Variants in CACNA1C observed in about 807,000 individuals in gnomAD.
CACNA1C encodes voltage-dependent L-type calcium channel subunit alpha-1C.
CACNA1C carries 30 observed loss-of-function variants against 229.0 expected under a neutral mutation model. The observed-to-expected ratio is 0.13, with a 90% confidence interval of 0.10 to 0.18. The LOEUF is 0.18. Among genes scored for constraint, CACNA1C ranks in the 10% least tolerant of loss-of-function variants. The probability of loss-of-function intolerance (pLI) is 1.00; values close to 1 mark genes in which losing one functional copy is unlikely to be tolerated. For missense variants in CACNA1C, 1,658 were observed against 2,845.0 expected (o/e 0.58, Z 9.49); for synonymous variants, 1,114 against 1,132.5 (o/e 0.98, Z 0.33).
chr12:2,412,632 T>C (rs939185694), intron 3 of CACNA1C, among the ~76,000 whole-genome samples: 12 of 152,254 alleles, frequency 7.9e-5, no homozygotes, highest in African/African-American at 2.9e-4. Flanking sequence ...CGCTTCATAG[T>C]AAGTGCTCAG....
At chr12:2,521,232 A>C (rs936536384) in intron 9 of CACNA1C, among the ~76,000 whole-genome samples, 1 of 152,180 alleles carries the variant, frequency 6.6e-6, no homozygotes, top group Non-Finnish European at 1.5e-5. Context: ...GTAGGAACAG[A>C]GGCTGTGTGG....
chr12:2,315,545 C>T (rs1428013904), intron 3 of CACNA1C, among the ~76,000 whole-genome samples: 1 of 152,156 alleles, frequency 6.6e-6, no homozygotes, highest in Non-Finnish European at 1.5e-5. Context: ...TTAACCATCA[C>T]AGTTCTCATT....
At chr12:2,137,223 C>T (rs2093625806) in intron 3 of CACNA1C, among the ~76,000 whole-genome samples, 1 of 151,298 alleles carries the variant, frequency 6.6e-6, no homozygotes, top group South Asian at 2.1e-4. Context: ...AGCTGCATGT[C>T]CTAGCCCTGG....
In CACNA1C at chr12:2,682,608, G is replaced by A. The variant is rs1060503442; in HGVS notation, c.5503G>A (p.Glu1835Lys). The change falls in exon 43 of 47, where the codon GAG (glutamate) becomes AAG (lysine). Residue 1835 changes from glutamate (E) to lysine (K), a missense_variant. Physicochemically the swap from Glu to Lys is moderately conservative, Grantham distance 56. Coordinates refer to ENST00000399655, the MANE Select transcript of CACNA1C (RefSeq NM_000719.7). ...GGGTCAGGAGGAGACGTCTCAGGAT[G>A]AGACCTATGAAGTGAAGATGAACCA... The part of the protein sequence containing the change: ...MAGQEETSQD[E>K]TYEVKMNHDT... 54 of 1,612,656 alleles carry A rather than the reference G, an allele frequency of 3.3e-5. No homozygotes were observed. The highest frequency in any genetic ancestry group is 4.4e-5 in the Non-Finnish European group (52 of 1,179,558).
intron 3 of CACNA1C, among the ~76,000 whole-genome samples, chr12:2,182,678 G>A (rs1213095204): frequency 3.9e-5 from 6 of 152,176 alleles, no homozygotes; most frequent in African/African-American, 1.2e-4. Flanking sequence ...TGGACTGGAA[G>A]TGTGCTAGGG....
At chr12:2,642,838 GA>G (rs1478656941) in intron 30 of CACNA1C, among the ~76,000 whole-genome samples, 1 of 152,218 alleles carries the variant, frequency 6.6e-6, no homozygotes, top group African/African-American at 2.4e-5. Context: ...CTTCCCAGGG[GA>G]AGATGAAACT....
chr12:1,991,993 C>A, intron 1 of CACNA1C: 1 of 234,156 alleles, frequency 4.3e-6, no homozygotes, highest in Non-Finnish European at 9.3e-6. Context: ...AAAAAAAACC[C>A]TGACATAACT....
chr12:2,058,438 A>G (rs1314777980), intron 1 of CACNA1C, among the ~76,000 whole-genome samples: 3 of 152,228 alleles, frequency 2.0e-5, no homozygotes, highest in Non-Finnish European at 4.4e-5. Context: ...AATTAACAAA[A>G]TAATCACACT....
chr12:2,320,822 A>G lies in CACNA1C; in HGVS notation c.478-128154A>G, dbSNP rs1384661274. ...CATTCAGGCCAAGGCAGCTAGGGGT[A>G]GGAGCAGGAGACAAAAAGGATGAGG... is the stretch of plus-strand genomic sequence containing the variant. On this transcript the variant is annotated intron_variant, in intron 3 of 46. Transcript: ENST00000399655. Among the ~76,000 whole-genome samples, 6 of 152,206 alleles carry G rather than the reference A, an allele frequency of 3.9e-5. No homozygotes were observed. The East Asian group carries it at 1.2e-3, about 29-fold the overall frequency.
chr12:2,477,023 A>C (rs2099633301), intron 5 of CACNA1C, among the ~76,000 whole-genome samples: 1 of 152,220 alleles, frequency 6.6e-6, no homozygotes, highest in Non-Finnish European at 1.5e-5. Flanking sequence ...AGAGAGAACT[A>C]TCTGCCTTCC....
At chr12:2,087,209 A>C (rs542919066) in intron 1 of CACNA1C, among the ~76,000 whole-genome samples, 1 of 152,218 alleles carries the variant, frequency 6.6e-6, no homozygotes, top group East Asian at 1.9e-4. Flanking sequence ...TCACTTGCTC[A>C]CGTGTCTGGG....
chr12:2,189,610 A>T (rs902012051), intron 3 of CACNA1C, among the ~76,000 whole-genome samples: 1 of 152,210 alleles, frequency 6.6e-6, no homozygotes, highest in Non-Finnish European at 1.5e-5. Context: ...GAGGGCTGCT[A>T]ACTGGCTGGA....
In CACNA1C at chr12:2,585,424, G is replaced by C. The variant is rs1346569150; in HGVS notation, c.2388G>C (p.Val796=). Reference sequence around the variant, plus strand: ...AAGAGTTGGTGGAGAAGCCGGCAGTGGGGGAATCCAAGGAGGAGAAGATTG... The same window carrying C: ...AAGAGTTGGTGGAGAAGCCGGCAGTCGGGGAATCCAAGGAGGAGAAGATTG... ...KKQELVEKPA[V]GESKEEKIEL... is the part of the protein sequence containing the mutation. Residue 796 remains valine, a synonymous_variant, in exon 17 of 47, where the codon GTG becomes GTC. Coordinates refer to ENST00000399655, the MANE Select transcript of CACNA1C (RefSeq NM_000719.7). The surrounding 1 kb of genome is among the most constrained non-coding windows in gnomAD (Gnocchi z 4.1). 1 of 1,610,090 alleles carries C rather than the reference G, an allele frequency of 6.2e-7. No homozygotes were observed.
At chr12:2,434,523 G>T (rs1380178075) in intron 3 of CACNA1C, among the ~76,000 whole-genome samples, 2 of 152,182 alleles carry the variant, frequency 1.3e-5, no homozygotes, top group Non-Finnish European at 2.9e-5. Context: ...AACTTGATTT[G>T]TCTCCTTCCA....
chr12:2,551,934 G>T (rs59967800), intron 10 of CACNA1C, among the ~76,000 whole-genome samples: 4,784 of 152,144 alleles, frequency 0.031, 234 homozygotes, highest in African/African-American at 0.11. Flanking sequence ...ACGGAGGCCC[G>T]AAACTCAGCC....
Position 2,410,419 on chromosome 12 carries a change from C to A in CACNA1C, c.478-38557C>A, listed in dbSNP as rs367916485. Among the ~76,000 whole-genome samples the A allele has an allele frequency of 1.3e-5, 2 of 152,168 alleles. No homozygotes were observed. Among genetic ancestry groups the A allele is most frequent in the Admixed American group, 1.3e-4 (2 of 15,280 alleles). On this transcript the variant is annotated intron_variant, in intron 3 of 46. Transcript: ENST00000399655. The surrounding 1 kb of genome is among the most constrained non-coding windows in gnomAD (Gnocchi z 5.3). ...TTGTGGAAGTTTGTCATGAGTGGACCCCAGCAAGGAATTGGTGCATGATAT... is the reference window on the plus strand; with the variant it reads ...TTGTGGAAGTTTGTCATGAGTGGACACCAGCAAGGAATTGGTGCATGATAT...
At chr12:2,306,549 C>T (rs970956215) in intron 3 of CACNA1C, among the ~76,000 whole-genome samples, 4 of 152,156 alleles carry the variant, frequency 2.6e-5, no homozygotes, top group Admixed American at 1.3e-4. Flanking sequence ...AGAATTCCTC[C>T]TCTGCCTGTC....
intron 3 of CACNA1C, among the ~76,000 whole-genome samples, chr12:2,161,292 A>G (rs1159840465): frequency 6.6e-6 from 1 of 151,916 alleles, no homozygotes; most frequent in Non-Finnish European, 1.5e-5. Context: ...GGGAGGGGAG[A>G]GACGGGGGCA....
intron 3 of CACNA1C, among the ~76,000 whole-genome samples, chr12:2,194,321 TTCC>T (rs1429515512): frequency 2.0e-5 from 3 of 146,848 alleles, no homozygotes; most frequent in African/African-American, 5.1e-5. Context: ...CCTCCTCCCG[TTCC>T]TCCTCCTCTG....
Sources: allele counts gnomAD v4.1 joint callset (sites outside exome capture counted in the v4.1 genomes callset), GRCh38; gene constraint gnomAD v4.1.1; non-coding constraint Gnocchi (gnomAD v3.1); transcripts MANE v1.5; gene names NCBI Gene and HGNC (gene_info 2026-07-23, HGNC 2026-07-21).